Variants in EPM2A observed in about 807,000 individuals in gnomAD.
The protein encoded by EPM2A is laforin.
In EPM2A, 21 loss-of-function variants were observed where a neutral mutation model predicts 26.5. The ratio of observed to expected loss-of-function variants is 0.79; its 90% CI spans 0.56 to 1.14. The LOEUF (loss-of-function observed/expected upper bound fraction) is 1.14. Among genes scored for constraint, EPM2A ranks in the 50% most tolerant of loss-of-function variants. EPM2A has a pLI of 0.00. For synonymous variants in EPM2A, 217 were observed against 177.6 expected, an observed-to-expected ratio of 1.22 and a Z score of -1.76; for missense variants, 458 against 440.8, an observed-to-expected ratio of 1.04 and a Z score of -0.35.
At chr6:145,624,865 G>A (rs1400181003), downstream of EPM2A, among the ~76,000 whole-genome samples, 2 of 152,286 alleles carry the variant, frequency 1.3e-5, no homozygotes, top group East Asian at 3.9e-4. Context: ...TCAAAAGAGA[G>A]TGTTTTGTGT....
intron 4 of EPM2A, chr6:145,489,571 T>C: frequency 2.4e-6 from 2 of 819,934 alleles, no homozygotes; most frequent in East Asian, 2.7e-5. Context: ...ACAGTCATAC[T>C]GCCCATAATC....
intron 4 of EPM2A, chr6:145,491,637 A>G (rs1207170608): frequency 5.4e-6 from 2 of 367,382 alleles, no homozygotes; most frequent in East Asian, 1.6e-4. Context: ...GTGGGAAAAC[A>G]GGAAGGCATG....
chr6:145,569,822 G>T (rs1255499617), intron 2 of EPM2A, among the ~76,000 whole-genome samples: 3 of 151,508 alleles, frequency 2.0e-5, no homozygotes, highest in Non-Finnish European at 2.9e-5. Flanking sequence ...ATTAGTCAGG[G>T]TTATCTAGAG....
intron 4 of EPM2A, among the ~76,000 whole-genome samples, chr6:145,427,670 T>A (rs886416000): frequency 5.3e-5 from 8 of 152,208 alleles, no homozygotes; most frequent in Non-Finnish European, 7.3e-5. Flanking sequence ...TAGGAGACTA[T>A]TCAATTAGCA....
intron 2 of EPM2A, among the ~76,000 whole-genome samples, chr6:145,558,487 T>A (rs1293250464): frequency 6.6e-6 from 1 of 152,102 alleles, no homozygotes; most frequent in African/African-American, 2.4e-5. Context: ...TATTTTTAAT[T>A]TTTTGAGGAA....
intron 3 of EPM2A, chr6:145,632,279 A>G (rs746965604): frequency 6.6e-6 from 1 of 152,384 alleles, no homozygotes; most frequent in Non-Finnish European, 1.5e-5. Context: ...AGCAAGGGAA[A>G]GGAAGTCAGA....
chr6:145,551,332 C>T (rs1056978428), intron 2 of EPM2A, among the ~76,000 whole-genome samples: 1 of 151,778 alleles, frequency 6.6e-6, no homozygotes, highest in Non-Finnish European at 1.5e-5. Flanking sequence ...CTGACTTTGC[C>T]CTGAGGATTT....
At chr6:145,384,500 C>T (rs1778232481) in intron 4 of EPM2A, among the ~76,000 whole-genome samples, 2 of 147,740 alleles carry the variant, frequency 1.4e-5, no homozygotes, top group South Asian at 4.5e-4. Context: ...TCACAGTAGG[C>T]TCTAAACTGG....
chr6:145,421,164 T>A (rs1230144038), intron 4 of EPM2A, among the ~76,000 whole-genome samples: 2 of 152,172 alleles, frequency 1.3e-5, no homozygotes, highest in Non-Finnish European at 2.9e-5. Flanking sequence ...TCTCTTTTTT[T>A]AAATTTTATT....
chr6:145,688,580 A>T (rs890716310), intron 1 of EPM2A, among the ~76,000 whole-genome samples: 4 of 152,186 alleles, frequency 2.6e-5, no homozygotes, highest in African/African-American at 9.6e-5. Context: ...CTCATTTGAC[A>T]TTAAGACCAG....
Position 145,594,366 on chromosome 6 carries a change from C to T in EPM2A, c.340+40879G>A, listed in dbSNP as rs149774877. 1.4e-3 allele frequency among the ~76,000 whole-genome samples: 219 copies of T among 151,820 alleles called. 1 individual carries two copies. Among genetic ancestry groups the T allele is most frequent in the Middle Eastern group, 6.8e-3 (2 of 294 alleles). ...TTAAACTTGTTCATTGGTAAATTATCCTGAGTATTACAGTAAGAAATGATA... is the reference window on the plus strand; with the variant it reads ...TTAAACTTGTTCATTGGTAAATTATTCTGAGTATTACAGTAAGAAATGATA... On this transcript the variant is annotated intron_variant, in intron 2 of 3. Coordinates refer to the EPM2A transcript ENST00000450221.
intron 2 of EPM2A, among the ~76,000 whole-genome samples, chr6:145,528,318 G>T (rs911751972): frequency 6.6e-6 from 1 of 152,158 alleles, no homozygotes; most frequent in African/African-American, 2.4e-5. Context: ...ATTGGGAAAA[G>T]AAGCCATGTA....
intron 2 of EPM2A, among the ~76,000 whole-genome samples, chr6:145,530,306 G>A (rs1780336275): frequency 6.6e-6 from 1 of 152,212 alleles, no homozygotes; most frequent in Non-Finnish European, 1.5e-5. Context: ...AAAACAGAGG[G>A]ATGAGAGGGT....
chr6:145,635,425 G>C lies in EPM2A; in HGVS notation c.538C>G (p.Leu180Val), dbSNP rs1373171663. The C allele has an allele frequency of 6.2e-7, 1 of 1,613,838 alleles. No individual in the cohort carries two copies. The highest frequency in any genetic ancestry group is 8.5e-7 in the Non-Finnish European group (1 of 1,179,844). ...PRQVEHVTIK[L>V]KHELGITAVM... The stretch of plus-strand genomic sequence containing the variant: ...GCTGTAATCCCCAATTCATGCTTCA[G>C]TTTGATGGTTACATGTTCCACCTGA... Residue 180 changes from leucine (L) to valine (V), a missense_variant, in exon 3 of 4, where the codon CTG becomes GTG. Transcript: ENST00000367519.
At position 145,438,134 on chromosome 6, in the gene EPM2A, T is replaced by G. The variant is rs143806236; in HGVS notation, c.556-54037A>C. On this transcript the variant is annotated intron_variant, in intron 4 of 4. Transcript: ENST00000638717. ...GGGTGGACAGGCAAGGTGCTCTGGCTTGGGTTTTCTGAAGTCAAATCTAAA... is the reference window on the plus strand; with the variant it reads ...GGGTGGACAGGCAAGGTGCTCTGGCGTGGGTTTTCTGAAGTCAAATCTAAA... 1.6e-3 allele frequency among the ~76,000 whole-genome samples: 244 copies of G among 152,270 alleles called. 1 individual carries two copies. Among genetic ancestry groups the G allele is most frequent in the South Asian group, 0.013 (64 of 4,828 alleles).
intron 2 of EPM2A, among the ~76,000 whole-genome samples, chr6:145,612,823 C>T (rs1017801695): frequency 1.3e-5 from 2 of 150,880 alleles, no homozygotes; most frequent in African/African-American, 4.9e-5. Flanking sequence ...ATCATCTGAC[C>T]TTCAGCAAGT....
At chr6:145,564,616 C>A (rs1780853348) in intron 2 of EPM2A, among the ~76,000 whole-genome samples, 1 of 152,118 alleles carries the variant, frequency 6.6e-6, no homozygotes, top group Admixed American at 6.5e-5. Flanking sequence ...AAAATCTGCT[C>A]CTAAATTTTG....
chr6:145,482,216 C>T (rs569041001), intron 4 of EPM2A, among the ~76,000 whole-genome samples: 1 of 152,210 alleles, frequency 6.6e-6, no homozygotes, highest in South Asian at 2.1e-4. Flanking sequence ...TTAGTTGTGG[C>T]AATGATAATA....
intron 4 of EPM2A, among the ~76,000 whole-genome samples, chr6:145,402,324 A>T (rs1040109997): frequency 1.3e-5 from 2 of 152,134 alleles, no homozygotes; most frequent in African/African-American, 4.8e-5. Flanking sequence ...GCAGAACTCA[A>T]ATGAAGGGAA....
Sources: gnomAD v4.1 joint callset for allele counts (sites outside exome capture counted in the v4.1 genomes callset) on GRCh38, gnomAD v4.1.1 for gene constraint, MANE v1.5 for transcripts, NCBI Gene and HGNC (gene_info 2026-07-23, HGNC 2026-07-21) for gene names.